The following CDH23 variants were observed in gnomAD, a reference collection of about 807,000 sequenced individuals.
CDH23 encodes the protein cadherin related 23.
A neutral mutation model predicts 317.1 loss-of-function variants in CDH23; 189 were observed. That is an observed-to-expected ratio of 0.60 (90% confidence interval 0.53 to 0.67). The LOEUF (loss-of-function observed/expected upper bound fraction) is 0.67, where lower values mean the gene tolerates loss of function less well. Ranked by LOEUF, CDH23 falls within the 30% of genes least tolerant of loss-of-function variation. The pLI, the probability that CDH23 is intolerant of heterozygous loss-of-function variation, is 0.00. For synonymous variants in CDH23, 1,839 were observed against 1,876.8 expected (o/e 0.98, Z 0.52); for missense variants, 4,401 against 4,592.4 (o/e 0.96, Z 1.20).
At chr10:71,428,364 C>T (rs1427899694) in intron 1 of CDH23, among the ~76,000 whole-genome samples, 1 of 151,972 alleles carries the variant, frequency 6.6e-6, no homozygotes, top group Admixed American at 6.6e-5. Context: ...TCTTGAACTC[C>T]TGACCTCAAG....
intron 6 of CDH23, among the ~76,000 whole-genome samples, chr10:71,565,481 C>T (rs542371755): frequency 2.0e-5 from 3 of 152,232 alleles, no homozygotes; most frequent in Admixed American, 2.0e-4. Context: ...CCTGGAGATG[C>T]AATCCATTGA....
At chr10:71,811,028 TGAG>T (rs1258404126) in intron 62 of CDH23, among the ~76,000 whole-genome samples, 1 of 135,516 alleles carries the variant, frequency 7.4e-6, no homozygotes, top group African/African-American at 2.9e-5. Context: ...TGCAGTGGGC[TGAG>T]ATCATGCCAC....
At chr10:71,576,661 G>A (rs1347170857) in intron 8 of CDH23, among the ~76,000 whole-genome samples, 2 of 152,174 alleles carry the variant, frequency 1.3e-5, no homozygotes, top group Non-Finnish European at 2.9e-5. Flanking sequence ...TCACCCAGGG[G>A]AACACTGTGG....
At chr10:71,401,625 G>T (rs1847785885) in intron 1 of CDH23, among the ~76,000 whole-genome samples, 1 of 152,196 alleles carries the variant, frequency 6.6e-6, no homozygotes, top group African/African-American at 2.4e-5. Flanking sequence ...CTAGAGAGGT[G>T]AGGATGCAGA....
chr10:71,735,798 C>G (rs1251245876), intron 34 of CDH23, among the ~76,000 whole-genome samples: 1 of 152,214 alleles, frequency 6.6e-6, no homozygotes, highest in Non-Finnish European at 1.5e-5. Context: ...GTGGGGCCAG[C>G]CTGGGGGTGA....
chr10:71,565,269 A>G (rs1857336219), intron 6 of CDH23, among the ~76,000 whole-genome samples: 1 of 151,980 alleles, frequency 6.6e-6, no homozygotes, highest in Non-Finnish European at 1.5e-5. Context: ...GGAAAGTTCT[A>G]CCCCTAGGGC....
rs1340316489 is a variant in CDH23, at chr10:71,815,533, G to A, written c.*255G>A. On this transcript the variant is annotated 3_prime_UTR_variant, in exon 70 of 70. Transcript: ENST00000224721. ...CAAACAAAAATGTTAAGCATCTAAGGACAAGGTAAGGAGGGTCACTGGGGC... is the reference window on the plus strand; with the variant it reads ...CAAACAAAAATGTTAAGCATCTAAGAACAAGGTAAGGAGGGTCACTGGGGC... The A allele has an allele frequency of 5.0e-6, 2 of 401,976 alleles. No individual in the cohort carries two copies. The highest frequency in any genetic ancestry group is 8.9e-6 in the Non-Finnish European group (2 of 224,250). The allele number at this position is 401,976 out of a possible 1,614,324, so 24.9% of individuals were successfully genotyped here. A position where few individuals can be genotyped will look rare whatever the true frequency, so the allele number is the denominator to read the frequency against.
intron 6 of CDH23, among the ~76,000 whole-genome samples, chr10:71,543,520 G>C (rs1856101471): frequency 6.6e-6 from 1 of 152,236 alleles, no homozygotes; most frequent in Non-Finnish European, 1.5e-5. Flanking sequence ...GTGATTTCCT[G>C]TTCACCCAGT....
rs188498736 is a variant in CDH23, at chr10:71,702,192, C to G, written c.2568C>G (p.Ile856Met). The change falls in exon 23 of 70, where the codon ATC becomes ATG. Residue 856 changes from isoleucine to methionine, a missense_variant. By Grantham distance (10) the Ile-to-Met change is conservative. Around this residue, in one of 3 missense-constraint regions of CDH23, gnomAD observed 3,068 missense variants for 3,203.3 expected, o/e 0.96. Coordinates refer to ENST00000224721, the MANE Select transcript of CDH23 (RefSeq NM_022124.6). ...ATGAGGCCGAGCTGATGCGCAAAAT[C>G]GTCGTCTCTGTTACTGACTGTATGG... Reference protein sequence around the residue: ...DPHEAELMRKIVVSVTDCGRP... With the variant: ...DPHEAELMRKMVVSVTDCGRP... The G allele has an allele frequency of 2.8e-3, 4,543 of 1,613,792 alleles. 120 individuals carry two copies. Among genetic ancestry groups the G allele is most frequent in the Non-Finnish European group, 4.0e-4 (469 of 1,179,872 alleles).
At chr10:71,618,814 TGTGTGTGTGCTCAA>T (rs891826969) in intron 11 of CDH23, among the ~76,000 whole-genome samples, 1 of 151,834 alleles carries the variant, frequency 6.6e-6, no homozygotes, top group African/African-American at 2.4e-5. Flanking sequence ...ACCATGTGCC[TGTGTGTGTGCTCAA>T]GTGTGTGTGC....
At chr10:71,804,298 G>A (rs939556019) in intron 55 of CDH23, among the ~76,000 whole-genome samples, 8 of 152,222 alleles carry the variant, frequency 5.3e-5, no homozygotes, top group Admixed American at 5.2e-4. Flanking sequence ...AAGAAATGAG[G>A]GGAAGTGGCA....
intron 1 of CDH23, among the ~76,000 whole-genome samples, chr10:71,437,760 T>A (rs1213966455): frequency 6.6e-6 from 1 of 152,224 alleles, no homozygotes; most frequent in Non-Finnish European, 1.5e-5. Flanking sequence ...TTCTAGTTTT[T>A]CATTGAGAAA....
intron 38 of CDH23, among the ~76,000 whole-genome samples, chr10:71,771,146 A>G (rs1840674703): frequency 6.6e-6 from 1 of 152,182 alleles, no homozygotes; most frequent in Admixed American, 6.5e-5. Flanking sequence ...CAGGGCAAGG[A>G]CAGTAACTGC....
At chr10:71,599,918 A>G (rs776694543) in intron 9 of CDH23, among the ~76,000 whole-genome samples, 1 of 151,538 alleles carries the variant, frequency 6.6e-6, no homozygotes, top group Non-Finnish European at 1.5e-5. Flanking sequence ...TGACACATCT[A>G]ACTTGTATGC....
chr10:71,514,567 G>A (rs1044650692), intron 6 of CDH23, among the ~76,000 whole-genome samples: 2 of 152,140 alleles, frequency 1.3e-5, no homozygotes, highest in Non-Finnish European at 2.9e-5. Context: ...AGCCTCTGCC[G>A]GGTCCAGCCC....
chr10:71,669,924 C>T (rs1196103477), intron 14 of CDH23, among the ~76,000 whole-genome samples: 2 of 152,116 alleles, frequency 1.3e-5, no homozygotes, highest in African/African-American at 4.8e-5. Context: ...TTGCTTGAAC[C>T]CGGGAGGCGG....
In CDH23 at chr10:71,805,729, A is replaced by G. The variant is rs1342357764; in HGVS notation, c.7873-77A>G. ...GACATTCTGCTACGGCAGGAGAAAG[A>G]GCAAGGGCTCCCTCAGGACCTAGGA... On this transcript the variant is annotated intron_variant, in intron 55 of 69. Coordinates refer to ENST00000224721, the MANE Select transcript of CDH23 (RefSeq NM_022124.6). 3.4e-5 allele frequency: 48 copies of G among 1,413,920 alleles called. 2 individuals are homozygous for G. The South Asian group carries it at 4.9e-4, about 14-fold the overall frequency. 87.6% of individuals were successfully genotyped at this position (1,413,920 alleles called of 1,614,324 possible).
At chr10:71,603,778 C>T (rs1210865226) in intron 9 of CDH23, among the ~76,000 whole-genome samples, 1 of 152,252 alleles carries the variant, frequency 6.6e-6, no homozygotes, top group Non-Finnish European at 1.5e-5. Context: ...CTAATCCCAG[C>T]ATGGTCACTT....
intron 57 of CDH23, among the ~76,000 whole-genome samples, chr10:71,806,502 C>T (rs1287177342): frequency 1.3e-5 from 2 of 150,414 alleles, no homozygotes; most frequent in African/African-American, 4.9e-5. Context: ...ACCAAAATGC[C>T]TGACTCATGG....
Sources: gnomAD v4.1 joint callset for allele counts (sites outside exome capture counted in the v4.1 genomes callset) on GRCh38, gnomAD v4.1.1 for gene constraint, gnomAD v4.1.1 regional missense constraint, MANE v1.5 for transcripts, NCBI Gene and HGNC (gene_info 2026-07-23, HGNC 2026-07-21) for gene names.